The following INO80 variants were observed in gnomAD, a reference collection of about 807,000 sequenced individuals.
INO80 encodes the protein chromatin-remodeling ATPase INO80.
INO80 carries 20 observed loss-of-function variants against 203.4 expected under a neutral mutation model. The observed-to-expected ratio is 0.10, with a 90% CI of 0.07 to 0.14. The LOEUF is 0.14. Among genes scored for constraint, INO80 ranks in the 10% least tolerant of loss-of-function variants. The pLI is 1.00. For missense variants in INO80, 1,419 were observed against 1,914.4 expected, an observed-to-expected ratio of 0.74 and a Z score of 4.83; for synonymous variants, 726 against 685.2, an observed-to-expected ratio of 1.06 and a Z score of -0.93.
At chr15:41,052,812 C>A (rs2044903150) in intron 19 of INO80, among the ~76,000 whole-genome samples, 1 of 145,538 alleles carries the variant, frequency 6.9e-6, no homozygotes, top group South Asian at 2.2e-4. Flanking sequence ...ATCCTTTGAA[C>A]TCAGTTTGAG....
At chr15:41,006,021 C>T (rs2044035992) in intron 27 of INO80, among the ~76,000 whole-genome samples, 1 of 148,386 alleles carries the variant, frequency 6.7e-6, no homozygotes, top group Non-Finnish European at 1.5e-5. Context: ...AACCAGATAT[C>T]TTTCACAGCT....
At chr15:41,065,379 G>A (rs139301695) in intron 14 of INO80, among the ~76,000 whole-genome samples, 1,702 of 152,050 alleles carry the variant, frequency 0.011, 42 homozygotes, top group African/African-American at 0.039. Flanking sequence ...AGGTTGCAGC[G>A]AGCCAAGATC....
intron 5 of INO80, among the ~76,000 whole-genome samples, chr15:41,089,935 T>A (rs2045610843): frequency 6.6e-6 from 1 of 152,152 alleles, no homozygotes; most frequent in Non-Finnish European, 1.5e-5. Context: ...CTCAAAAGGC[T>A]AAGCAAGGTG....
chr15:41,009,889 T>C (rs542021270), intron 27 of INO80, among the ~76,000 whole-genome samples: 3 of 152,184 alleles, frequency 2.0e-5, no homozygotes, highest in South Asian at 2.1e-4. Context: ...TGTAAGCCAC[T>C]GTGCCCGGCC....
intron 28 of INO80, among the ~76,000 whole-genome samples, chr15:40,999,072 AAG>A (rs1198666985): frequency 1.3e-5 from 2 of 152,130 alleles, no homozygotes; most frequent in Admixed American, 6.6e-5. Context: ...TAATTAAAGA[AAG>A]AAAAAAGATT....
At chr15:41,065,933 G>A (rs1225143140) in intron 14 of INO80, among the ~76,000 whole-genome samples, 1 of 151,490 alleles carries the variant, frequency 6.6e-6, no homozygotes, top group Non-Finnish European at 1.5e-5. Context: ...TATGAAACTA[G>A]ACAGCAGTGA....
intron 9 of INO80, 100 bp downstream of exon 9, chr15:41,079,601 A>G: frequency 1.0e-6 from 1 of 963,146 alleles, no homozygotes; most frequent in South Asian, 1.5e-5. Context: ...CAAAAAATTG[A>G]CAGTGTCATT....
intron 20 of INO80, 51 bp from the exon 21 acceptor site, chr15:41,049,471 C>A: frequency 6.4e-7 from 1 of 1,565,700 alleles, no homozygotes. Context: ...AGACATCATA[C>A]GTAATGACAG....
chr15:41,087,236 T>C (rs1000469226), intron 6 of INO80, among the ~76,000 whole-genome samples: 1 of 152,156 alleles, frequency 6.6e-6, no homozygotes, highest in African/African-American at 2.4e-5. Flanking sequence ...TACATAGCAT[T>C]TACATCATAT....
chr15:41,106,151 T>G (rs865989257), intron 1 of INO80, among the ~76,000 whole-genome samples: 2 of 151,932 alleles, frequency 1.3e-5, no homozygotes, highest in Admixed American at 1.3e-4. Context: ...GCCAGCACTT[T>G]GGGAAGCTAA....
chr15:41,041,431 C>CTT (rs201157790), intron 24 of INO80, among the ~76,000 whole-genome samples: 8 of 141,622 alleles, frequency 5.6e-5, no homozygotes, highest in Admixed American at 1.4e-4. Context: ...GCTTCTAGTT[C>CTT]TTTTTTTTTT....
Position 41,049,352 on chromosome 15 carries a change from T to A in INO80, c.2511A>T (p.Pro837=). The A allele has an allele frequency of 6.2e-7, 1 of 1,612,092 alleles. No homozygotes were observed. Among genetic ancestry groups the A allele is most frequent in the Non-Finnish European group, 8.5e-7 (1 of 1,178,156 alleles). Residue 837 remains proline (P), a synonymous_variant, in exon 21 of 36, where the codon CCA becomes CCT. Coordinates refer to ENST00000648947, the MANE Select transcript of INO80 (RefSeq NM_017553.3). The part of the protein sequence containing the change: ...TWSPFHISLK[P]YHISKFIYRH... ...GGTAGATAAACTTTGAAATGTGGTA[T>A]GGCTTTAGGGAAATATGAAATGGAG...
chr15:41,000,545 A>C (rs1431802289), intron 28 of INO80, among the ~76,000 whole-genome samples: 1 of 151,684 alleles, frequency 6.6e-6, no homozygotes, highest in Non-Finnish European at 1.5e-5. Context: ...AAATCCAAAA[A>C]TTAGCTGGGT....
chr15:41,075,973 A>G (rs1465506081), intron 9 of INO80, among the ~76,000 whole-genome samples: 1 of 152,216 alleles, frequency 6.6e-6, no homozygotes, highest in East Asian at 1.9e-4. Flanking sequence ...CTGAAAGCCA[A>G]TACAATAGGT....
At chr15:41,106,227 T>C (rs1422263359) in intron 1 of INO80, among the ~76,000 whole-genome samples, 3 of 151,286 alleles carry the variant, frequency 2.0e-5, no homozygotes, top group African/African-American at 7.3e-5. Context: ...GCATGAAAAA[T>C]ACAAAAATTA....
chr15:41,090,151 T>C (rs1341184116), intron 5 of INO80, among the ~76,000 whole-genome samples: 1 of 152,150 alleles, frequency 6.6e-6, no homozygotes, highest in Non-Finnish European at 1.5e-5. Context: ...TAAGAAGAAA[T>C]GAAATGCTGA....
intron 24 of INO80, among the ~76,000 whole-genome samples, chr15:41,041,440 T>C (rs1461180255): frequency 2.0e-5 from 3 of 151,836 alleles, no homozygotes; most frequent in South Asian, 2.1e-4. Context: ...TCTTTTTTTT[T>C]TTTTTCTTTC....
intron 23 of INO80, among the ~76,000 whole-genome samples, chr15:41,046,023 T>C (rs2044752304): frequency 6.6e-6 from 1 of 151,520 alleles, no homozygotes; most frequent in Non-Finnish European, 1.5e-5. Context: ...CCCAGAACAC[T>C]TGAGGCAGGC....
rs556279386 is a variant in INO80 at position 41,016,000 on chromosome 15, T to A, written c.3402+88A>T. The A allele has an allele frequency of 3.8e-6, 4 of 1,050,104 alleles. No homozygotes were observed. The African/African-American group carries it at 4.9e-5, about 13-fold the overall frequency. The allele number at this position is 1,050,104 out of a possible 1,614,324, so 65.0% of individuals were successfully genotyped here. On this transcript the variant is annotated intron_variant, in intron 27 of 35. Transcript: ENST00000648947. ...ACAAAAGGGAGTTTTGGGGCTCCCATTAAGCAGGACTAACATTAGTCATGG... is the reference window on the plus strand; with the variant it reads ...ACAAAAGGGAGTTTTGGGGCTCCCAATAAGCAGGACTAACATTAGTCATGG...
Sources: gnomAD v4.1 joint callset for allele counts (sites outside exome capture counted in the v4.1 genomes callset) on GRCh38, gnomAD v4.1.1 for gene constraint, MANE v1.5 for transcripts, NCBI Gene and HGNC (gene_info 2026-07-23, HGNC 2026-07-21) for gene names.